The following AP3B2 variants were observed in gnomAD, a reference collection of about 807,000 sequenced individuals.
AP3B2 encodes the protein AP-3 complex subunit beta-2.
Under a neutral mutation model 126.9 loss-of-function variants are expected in AP3B2, and 50 were observed. The ratio of observed to expected loss-of-function variants is 0.39; its 90% CI spans 0.31 to 0.50. The LOEUF is 0.50. Ranked by LOEUF, AP3B2 falls within the 20% of genes least tolerant of loss-of-function variation. The pLI is 0.79. For synonymous variants in AP3B2, 541 were observed against 565.0 expected, an observed-to-expected ratio of 0.96 and a Z score of 0.60; for missense variants, 1,177 against 1,426.4, an observed-to-expected ratio of 0.83 and a Z score of 2.82.
chr15:82,660,096 G>C, intron 25 of AP3B2, 113 bp from the exon 26 acceptor site: 1 of 1,320,258 alleles, frequency 7.6e-7, no homozygotes, highest in Non-Finnish European at 1.0e-6. Context: ...TCATGCAAAG[G>C]GCAGGTCAGA....
rs1347964102 is a variant in AP3B2 at position 82,665,288 on chromosome 15, G to A, written c.1987C>T (p.Leu663Phe). 4 of 1,553,968 alleles carry A rather than the reference G, an allele frequency of 2.6e-6. No individual in the cohort carries two copies. The South Asian group carries it at 3.5e-5, about 14-fold the overall frequency. The change falls in exon 17 of 27, where the codon CTT (leucine) becomes TTT (phenylalanine). Residue 663 changes from leucine to phenylalanine, a missense_variant. Physicochemically the swap from Leu to Phe is conservative, Grantham distance 22 (BLOSUM62 0). Transcript: ENST00000535359. This position sits in a 1 kb window ranked among gnomAD's most constrained non-coding sequence, Gnocchi z 4.4. ...AACAGGCCCACGTGAGTCTCAATAAGGGAGAGATCTTCTTCCTGTGTGTGT... is the reference window on the plus strand; with the variant it reads ...AACAGGCCCACGTGAGTCTCAATAAAGGAGAGATCTTCTTCCTGTGTGTGT... ...VRNVEEEDLSLIETHVGLLGE... is the reference protein window; with the variant it reads ...VRNVEEEDLSFIETHVGLLGE...
Position 82,677,456 on chromosome 15 carries a change from C to A in AP3B2, c.1379-73G>T. Reference sequence around the variant, plus strand: ...ACACTCAGGTGGACAGACACACCTGCAGTGCCCCAGGCCCTTGGCTCTTTC... The same window carrying A: ...ACACTCAGGTGGACAGACACACCTGAAGTGCCCCAGGCCCTTGGCTCTTTC... On this transcript the variant is annotated intron_variant, in intron 12 of 26. Transcript: ENST00000535359. 2.1e-6 allele frequency: 3 copies of A among 1,433,274 alleles called. No homozygotes were observed. In the South Asian group the frequency reaches 3.6e-5, roughly 17 times the overall value. The allele number at this position is 1,433,274 out of a possible 1,614,324, so 88.8% of individuals were successfully genotyped here. A position where few individuals can be genotyped will look rare whatever the true frequency, so the allele number is the denominator to read the frequency against.
chr15:82,696,124 G>GC (rs1361731120), intron 1 of AP3B2, among the ~76,000 whole-genome samples: 1 of 152,004 alleles, frequency 6.6e-6, no homozygotes, highest in Non-Finnish European at 1.5e-5. Context: ...TTGGATTAGG[G>GC]CCCCCCTTAA....
intron 4 of AP3B2, among the ~76,000 whole-genome samples, chr15:82,682,935 A>G: frequency 6.6e-6 from 1 of 151,978 alleles, no homozygotes; most frequent in East Asian, 1.9e-4. Flanking sequence ...AAAAAAAAAA[A>G]AAATTGAAGT....
At chr15:82,692,384 G>C (rs2048553771) in intron 1 of AP3B2, 5 of 499,480 alleles carry the variant, frequency 1.0e-5, no homozygotes, top group African/African-American at 2.0e-5. Context: ...CCCCCTCCCC[G>C]CAATCCCCCC....
intron 4 of AP3B2, among the ~76,000 whole-genome samples, chr15:82,683,352 C>T (rs1298960413): frequency 2.6e-5 from 4 of 152,134 alleles, no homozygotes; most frequent in Admixed American, 6.6e-5. Context: ...CCACTGCACC[C>T]GGCAGATTCC....
Position 82,681,407 on chromosome 15 carries a change from G to A in AP3B2, c.521+13C>T. The A allele has an allele frequency of 6.2e-7, 1 of 1,613,410 alleles. No homozygotes were observed. Among genetic ancestry groups the A allele is most frequent in the Non-Finnish European group, 8.5e-7 (1 of 1,179,572 alleles). ...CAGCCTCCTGGGGAGCGTGGGACAGGGCTGGGGCATACCTGTAGAGTTTAG... is the reference window on the plus strand; with the variant it reads ...CAGCCTCCTGGGGAGCGTGGGACAGAGCTGGGGCATACCTGTAGAGTTTAG... On this transcript the variant is annotated intron_variant, in intron 5 of 26. Transcript: ENST00000535359. The surrounding 1 kb of genome is among the most constrained non-coding windows in gnomAD (Gnocchi z 4.0).
Position 82,661,820 on chromosome 15 carries a change from C to G in AP3B2, c.3016+5G>C. 6.2e-7 allele frequency: 1 copy of G among 1,610,066 alleles called. No homozygotes were observed. The highest frequency in any genetic ancestry group is 8.5e-7 in the Non-Finnish European group (1 of 1,177,788). On this transcript the variant is annotated splice_donor_5th_base_variant and intron_variant, in intron 25 of 26. Transcript: ENST00000535359. ...CCTCTCTGCCCACTCCCAGGGAGCA[C>G]TCACCCTGTTCCTTCTTAAACTCAT...
At chr15:82,683,050 T>TTTTTTTG (rs2048369470) in intron 4 of AP3B2, among the ~76,000 whole-genome samples, 2 of 71,792 alleles carry the variant, frequency 2.8e-5, no homozygotes, top group East Asian at 3.8e-4. Flanking sequence ...ACCAGGAGTT[T>TTTTTTTG]TTTTTTTTTT....
intron 12 of AP3B2, 94 bp downstream of exon 12, chr15:82,677,577 A>G: frequency 6.9e-7 from 1 of 1,451,912 alleles, no homozygotes; most frequent in Non-Finnish European, 9.2e-7. Flanking sequence ...CATTGTGTCT[A>G]GGCAGACTGG....
rs61213011 is a variant in AP3B2 at position 82,683,047 on chromosome 15, G to GTTTTTTTTTTTTTTTTTTTTT, written c.361-1488_361-1468dup. Among the ~76,000 whole-genome samples, 3 of 77,728 alleles carry GTTTTTTTTTTTTTTTTTTTTT rather than the reference G, an allele frequency of 3.9e-5. 1 individual carries two copies. Among genetic ancestry groups the GTTTTTTTTTTTTTTTTTTTTT allele is most frequent in the Non-Finnish European group, 7.6e-5 (3 of 39,602 alleles). The allele number at this position is 77,728 out of a possible 152,430, so 51.0% of individuals were successfully genotyped here. ...AATGTTCACAGCATCTGCACCAGGA[G>GTTTTTTTTTTTTTTTTTTTTT]TTTTTTTTTTTTTTTTTTTTTTTTT... On this transcript the variant is annotated intron_variant, in intron 4 of 26. Coordinates refer to ENST00000535359, the MANE Select transcript of AP3B2 (RefSeq NM_001278512.2).
In AP3B2 at chr15:82,680,112, C is replaced by T. The variant is rs528677871; in HGVS notation, c.1110+63G>A. On this transcript the variant is annotated intron_variant, in intron 9 of 26. Coordinates refer to ENST00000535359, the MANE Select transcript of AP3B2 (RefSeq NM_001278512.2). The surrounding 1 kb of genome is among the most constrained non-coding windows in gnomAD (Gnocchi z 6.1). Reference sequence around the variant, plus strand: ...CCGGCCCCGGTCCCAGCCCCGACAACGCCTCCAGTGCCCGCAGAAGCGGCC... The same window carrying T: ...CCGGCCCCGGTCCCAGCCCCGACAATGCCTCCAGTGCCCGCAGAAGCGGCC... 30 of 1,602,678 alleles carry T rather than the reference C, an allele frequency of 1.9e-5. 1 individual carries two copies. In the South Asian group the frequency reaches 3.2e-4, roughly 17 times the overall value.
At position 82,689,163 on chromosome 15, in the gene AP3B2, T is replaced by C. The variant is rs1289125072; in HGVS notation, c.259A>G (p.Ile87Val). Reference sequence around the variant, plus strand: ...CCTCACCAGGTAGTGCTCACCTCTATGTTCTTACAGGCCACGTTCTTCACC... The same window carrying C: ...CCTCACCAGGTAGTGCTCACCTCTACGTTCTTACAGGCCACGTTCTTCACC... Reference protein sequence around the residue: ...AVVKNVACKNIEVKKLVYVYL... With the variant: ...AVVKNVACKNVEVKKLVYVYL... The change falls in exon 3 of 27, where the codon ATA (isoleucine) becomes GTA (valine). Residue 87 changes from isoleucine (I) to valine (V), a missense_variant. Transcript: ENST00000535359. 21 of 1,613,966 alleles carry C rather than the reference T, an allele frequency of 1.3e-5. No individual in the cohort carries two copies. The highest frequency in any genetic ancestry group is 1.8e-5 in the Non-Finnish European group (21 of 1,179,872).
rs60428596 is a variant in AP3B2 at position 82,665,376 on chromosome 15, A to AACACACACACACACACACACAC, written c.1971+59_1972-74dup. The AACACACACACACACACACACAC allele has an allele frequency of 7.2e-6, 9 of 1,257,894 alleles. No individual in the cohort carries two copies. The highest frequency in any genetic ancestry group is 3.4e-5 in the African/African-American group (2 of 58,020). 77.9% of individuals were successfully genotyped at this position (1,257,894 alleles called of 1,614,324 possible). ...GGGCTCCCTACTGTCTGCCCCCACC[A>AACACACACACACACACACACAC]ACACACACACACACACACACACACA... On this transcript the variant is annotated intron_variant, in intron 16 of 26. Transcript: ENST00000535359. The surrounding 1 kb of genome is among the most constrained non-coding windows in gnomAD (Gnocchi z 4.4).
chr15:82,660,965 C>T (rs1213286691), intron 25 of AP3B2, among the ~76,000 whole-genome samples: 1 of 152,170 alleles, frequency 6.6e-6, no homozygotes, highest in Non-Finnish European at 1.5e-5. Context: ...CAATGACCCT[C>T]TCTCCCTCAG....
At chr15:82,689,124 G>A in intron 3 of AP3B2, 34 bp downstream of exon 3, 1 of 1,609,422 alleles carries the variant, frequency 6.2e-7, no homozygotes, top group Non-Finnish European at 8.5e-7. Context: ...TGGGGGAGGT[G>A]GGGACAAGCA....
At chr15:82,703,200 G>C (rs1315007664) in intron 1 of AP3B2, among the ~76,000 whole-genome samples, 2 of 152,118 alleles carry the variant, frequency 1.3e-5, no homozygotes, top group Non-Finnish European at 2.9e-5. Context: ...TCACCGCGAG[G>C]ATGCCTGCCT....
At chr15:82,667,280 G>A (rs1047123013) in intron 14 of AP3B2, among the ~76,000 whole-genome samples, 2 of 152,224 alleles carry the variant, frequency 1.3e-5, no homozygotes, top group African/African-American at 4.8e-5. Flanking sequence ...CTCTAGGGCA[G>A]CAGGGTATGT....
rs988438572 is a variant in AP3B2, at chr15:82,709,742, G to A, written c.-36C>T. On this transcript the variant is annotated 5_prime_UTR_variant, in exon 1 of 27. Coordinates refer to ENST00000535359, the MANE Select transcript of AP3B2 (RefSeq NM_001278512.2). ...GGGAGACTTCGCCGAGGAGGAGGTT[G>A]CGGGGCCGGAGGCCGGCTGGAGCGG... 3 of 1,433,572 alleles carry A rather than the reference G, an allele frequency of 2.1e-6. No individual in the cohort carries two copies. In the Admixed American group the frequency reaches 7.2e-5, roughly 34 times the overall value. The allele number at this position is 1,433,572 out of a possible 1,614,324, so 88.8% of individuals were successfully genotyped here.
Sources: gnomAD v4.1 joint callset for allele counts (sites outside exome capture counted in the v4.1 genomes callset) on GRCh38, gnomAD v4.1.1 for gene constraint, Gnocchi (gnomAD v3.1) non-coding constraint, MANE v1.5 for transcripts, NCBI Gene and HGNC (gene_info 2026-07-23, HGNC 2026-07-21) for gene names.